Variants in CFAP47 observed in about 807,000 individuals in gnomAD.
The protein encoded by CFAP47 is cilia and flagella associated protein 47, also known as cilia- and flagella-associated protein 47.
In CFAP47, 29 loss-of-function variants were observed where a neutral mutation model predicts 148.1. The observed-to-expected ratio is 0.20, with a 90% CI of 0.15 to 0.27. CFAP47 has a LOEUF of 0.27. Among genes scored for constraint, CFAP47 ranks in the 10% least tolerant of loss-of-function variants. The pLI, the probability that CFAP47 is intolerant of heterozygous loss-of-function variation, is 1.00. For missense variants in CFAP47, 1,872 were observed against 1,697.5 expected (o/e 1.10, Z -1.81); for synonymous variants, 664 against 577.3 (o/e 1.15, Z -2.15).
chrX:36,112,816 G>A (rs1938577207), intron 33 of CFAP47, among the ~76,000 whole-genome samples: 1 of 111,755 alleles, frequency 8.9e-6, no homozygotes, highest in South Asian at 3.7e-4. Flanking sequence ...AGGATAGTTA[G>A]GCATTCATGT....
At chrX:36,244,162 GA>G (rs1314927192) in intron 48 of CFAP47, among the ~76,000 whole-genome samples, 17 of 110,840 alleles carry the variant, frequency 1.5e-4, no homozygotes, top group African/African-American at 5.5e-4. Context: ...AATTAAACCA[GA>G]AATCAAACAT....
intron 60 of CFAP47, among the ~76,000 whole-genome samples, chrX:36,354,152 C>T (rs1040854355): frequency 9.0e-6 from 1 of 111,279 alleles, no homozygotes; most frequent in Admixed American, 9.6e-5. Flanking sequence ...TAATGCTTCA[C>T]GTATTTAATG....
At chrX:36,285,514 A>G in intron 50 of CFAP47, 115 bp from the exon 51 acceptor site, 1 of 411,034 alleles carries the variant, frequency 2.4e-6, no homozygotes, top group Non-Finnish European at 4.4e-6. Flanking sequence ...TGTCTTGACA[A>G]AAAGTCCATT....
chrX:36,344,038 T>C (rs1290668744), intron 57 of CFAP47, among the ~76,000 whole-genome samples: 1 of 104,851 alleles, frequency 9.5e-6, no homozygotes, highest in Non-Finnish European at 2.0e-5. Context: ...GACATTTGGG[T>C]TGGTTCCAAG....
chrX:36,134,793 G>A (rs1939014399), intron 33 of CFAP47, among the ~76,000 whole-genome samples: 1 of 110,878 alleles, frequency 9.0e-6, no homozygotes, highest in South Asian at 3.8e-4. Context: ...ACAAGCTACA[G>A]ACTGGGGGAA....
At chrX:36,174,839 T>C (rs1387658435) in intron 39 of CFAP47, among the ~76,000 whole-genome samples, 20 of 110,787 alleles carry the variant, frequency 1.8e-4, no homozygotes, top group African/African-American at 6.6e-4. Flanking sequence ...TGAATCTGAA[T>C]GTTGGCCTGC....
At chrX:35,986,738 C>T (rs1275747617) in intron 15 of CFAP47, among the ~76,000 whole-genome samples, 2 of 111,181 alleles carry the variant, frequency 1.8e-5, no homozygotes, top group Admixed American at 9.6e-5. Flanking sequence ...TTCTCATCTT[C>T]GTGGATTTAT....
chrX:36,144,161 A>G (rs1314162028), intron 35 of CFAP47, among the ~76,000 whole-genome samples: 3 of 112,028 alleles, frequency 2.7e-5, no homozygotes, highest in East Asian at 2.8e-4. Flanking sequence ...TTAATGTGCC[A>G]TTGGTTCTAT....
At chrX:36,095,340 T>C (rs892222280) in intron 30 of CFAP47, among the ~76,000 whole-genome samples, 1 of 112,196 alleles carries the variant, frequency 8.9e-6, no homozygotes, top group African/African-American at 3.2e-5. Context: ...GATATTGGAC[T>C]GTAGCATTCC....
At chrX:35,979,340 T>G (rs1185010191) in intron 15 of CFAP47, among the ~76,000 whole-genome samples, 1 of 110,000 alleles carries the variant, frequency 9.1e-6, no homozygotes, top group Non-Finnish European at 1.9e-5. Context: ...TCTGTGGGTA[T>G]TTTTCATGCT....
At chrX:36,213,132 A>G (rs2146890294) in intron 45 of CFAP47, among the ~76,000 whole-genome samples, 1 of 111,372 alleles carries the variant, frequency 9.0e-6, no homozygotes, top group Non-Finnish European at 1.9e-5. Context: ...TTATTATTAA[A>G]AAGCCTATTT....
intron 22 of CFAP47, among the ~76,000 whole-genome samples, chrX:36,028,962 A>AT (rs1164693116): frequency 1.8e-5 from 2 of 111,180 alleles, no homozygotes; most frequent in Non-Finnish European, 3.8e-5. Context: ...GATGATTGGT[A>AT]TAATTCTTTG....
intron 15 of CFAP47, among the ~76,000 whole-genome samples, chrX:35,981,063 A>AAATATAC (rs1936637413): frequency 2.7e-5 from 3 of 110,493 alleles, no homozygotes; most frequent in Non-Finnish European, 5.7e-5. Context: ...ATTGTAACAT[A>AAATATAC]AATATACAAT....
chrX:36,098,763 A>G (rs1383091073), intron 30 of CFAP47, 30 bp from the exon 31 acceptor site: 1 of 832,719 alleles, frequency 1.2e-6, no homozygotes, highest in South Asian at 2.5e-5. Flanking sequence ...ATATTATATT[A>G]TAATTTGAGT....
At chrX:36,009,111 T>C (rs1484310446) in intron 21 of CFAP47, among the ~76,000 whole-genome samples, 1 of 111,446 alleles carries the variant, frequency 9.0e-6, no homozygotes, top group East Asian at 2.8e-4. Flanking sequence ...ATTTTCCTTT[T>C]CTTCACATTT....
chrX:35,943,577 A>G (rs899776364), intron 3 of CFAP47, among the ~76,000 whole-genome samples: 2 of 111,406 alleles, frequency 1.8e-5, no homozygotes, highest in Admixed American at 9.6e-5. Context: ...CCCTGACTGT[A>G]CAAAGCAGTG....
intron 2 of CFAP47, among the ~76,000 whole-genome samples, chrX:35,940,690 G>A (rs890500935): frequency 1.8e-5 from 2 of 111,125 alleles, no homozygotes; most frequent in Non-Finnish European, 3.8e-5. Context: ...GCGAAGTGTG[G>A]AGATTCCTAA....
At chrX:36,083,935 G>A (rs1938033702) in intron 29 of CFAP47, among the ~76,000 whole-genome samples, 1 of 110,441 alleles carries the variant, frequency 9.1e-6, no homozygotes, top group Admixed American at 9.7e-5. Context: ...CAACATCATT[G>A]TTCTTTTTTT....
chrX:35,942,640 T>C (rs1044519719), intron 3 of CFAP47, among the ~76,000 whole-genome samples: 16 of 111,919 alleles, frequency 1.4e-4, no homozygotes, highest in Non-Finnish European at 2.8e-4. Context: ...AACTGTTGTA[T>C]ATTCAATAAC....
Sources: allele counts gnomAD v4.1 joint callset (sites outside exome capture counted in the v4.1 genomes callset), GRCh38; gene constraint gnomAD v4.1.1; transcripts MANE v1.5; gene names NCBI Gene and HGNC (gene_info 2026-07-23, HGNC 2026-07-21).